SLC15A3: variants seen among roughly 807,000 people sequenced by gnomAD.
SLC15A3 encodes the protein osteoclast transporter.
In SLC15A3, 39 loss-of-function variants were observed where a neutral mutation model predicts 49.2. That is an observed-to-expected ratio of 0.79 (90% CI 0.61 to 1.04). SLC15A3 has a LOEUF of 1.04. SLC15A3 is among the 50% of genes least tolerant of loss of function. The pLI, the probability that SLC15A3 is intolerant of heterozygous loss-of-function variation, is 0.00. For synonymous variants in SLC15A3, 339 were observed against 367.0 expected, an observed-to-expected ratio of 0.92 and a Z score of 0.87; for missense variants, 758 against 794.8, an observed-to-expected ratio of 0.95 and a Z score of 0.56.
At chr11:60,938,640 C>T (rs1429860019) in intron 6 of SLC15A3, among the ~76,000 whole-genome samples, 2 of 152,114 alleles carry the variant, frequency 1.3e-5, no homozygotes, top group South Asian at 2.1e-4. Flanking sequence ...CAAAGCCCTT[C>T]GACACTTCGG....
intron 2 of SLC15A3, 84 bp downstream of exon 2, chr11:60,946,448 C>A: frequency 6.9e-7 from 1 of 1,450,858 alleles, no homozygotes. Context: ...ACCAGAATGT[C>A]TGCAACCTGG....
chr11:60,937,320 G>A lies in SLC15A3; in HGVS notation c.1645C>T (p.Gln549Ter), dbSNP rs765299083. The A allele has an allele frequency of 6.2e-7, 1 of 1,614,140 alleles. No individual in the cohort carries two copies. The highest frequency in any genetic ancestry group is 8.5e-7 in the Non-Finnish European group (1 of 1,180,020). ...ACAAATAGGAGAGCCGTGACGGCCTGAATGCCAGCCAGCAGGAAGAAGTAG... is the reference window on the plus strand; with the variant it reads ...ACAAATAGGAGAGCCGTGACGGCCTAAATGCCAGCCAGCAGGAAGAAGTAG... Reference protein sequence around the residue: ...DLYFFLLAGIQAVTALLFVWI... With the variant: ...DLYFFLLAGI Residue 549 changes from glutamine to a stop codon, truncating the protein, a stop_gained, in exon 8 of 8, where the codon CAG becomes TAG. Transcript: ENST00000227880. LOFTEE classifies it low-confidence loss of function (END_TRUNC).
intron 3 of SLC15A3, 92 bp from the exon 4 acceptor site, chr11:60,942,237 C>T (rs1856723854): frequency 2.1e-6 from 2 of 973,356 alleles, no homozygotes; most frequent in East Asian, 5.0e-5. Flanking sequence ...TACCACAGGA[C>T]AGCTGGGCAG....
chr11:60,941,843 A>G (rs1012932887), intron 4 of SLC15A3, 192 bp downstream of exon 4: 1 of 591,182 alleles, frequency 1.7e-6, no homozygotes, highest in South Asian at 1.9e-5. Context: ...AATTCCTTCA[A>G]GCAGTTGAGC....
At chr11:60,950,813 A>C (rs1364758843) in intron 1 of SLC15A3, among the ~76,000 whole-genome samples, 181 bp downstream of exon 1, 1 of 152,226 alleles carries the variant, frequency 6.6e-6, no homozygotes, top group African/African-American at 2.4e-5. Context: ...AAACAAAAAA[A>C]CAACCATGGT....
At chr11:60,948,121 G>A (rs1168799922) in intron 1 of SLC15A3, among the ~76,000 whole-genome samples, 3 of 152,200 alleles carry the variant, frequency 2.0e-5, no homozygotes, top group African/African-American at 4.8e-5. Flanking sequence ...TTGGGGAAAA[G>A]ACAAGTATTT....
At chr11:60,938,067 G>A (rs1381362320) in intron 6 of SLC15A3, 42 bp from the exon 7 acceptor site, 1 of 1,602,252 alleles carries the variant, frequency 6.2e-7, no homozygotes, top group East Asian at 2.2e-5. Context: ...GCTGGTGCAG[G>A]CGCAGAGAAC....
chr11:60,945,551 T>C (rs1006011523), intron 2 of SLC15A3, among the ~76,000 whole-genome samples: 2 of 152,222 alleles, frequency 1.3e-5, no homozygotes, highest in African/African-American at 2.4e-5. Context: ...TCTAGCAATA[T>C]GCCAGACTGG....
intron 1 of SLC15A3, among the ~76,000 whole-genome samples, chr11:60,949,508 GA>G (rs1565129870): frequency 2.7e-4 from 13 of 47,738 alleles, no homozygotes; most frequent in Admixed American, 1.9e-3. Flanking sequence ...AAGAAGGAAA[GA>G]AAGAAAGAAA....
chr11:60,951,627 C>A lies in SLC15A3; in HGVS notation c.-76G>T. ...GCCTCAGAGCCCTGCACTCCTGCCC[C>A]CGGGCCTCGGCCCTCTCCCCCACCC... On this transcript the variant is annotated 5_prime_UTR_variant, in exon 1 of 8. Coordinates refer to ENST00000227880, the MANE Select transcript of SLC15A3 (RefSeq NM_016582.3). The A allele has an allele frequency of 9.5e-7, 1 of 1,049,152 alleles. No homozygotes were observed. Among genetic ancestry groups the A allele is most frequent in the Non-Finnish European group, 1.2e-6 (1 of 867,600 alleles). 65.0% of individuals were successfully genotyped at this position (1,049,152 alleles called of 1,614,324 possible). A position where few individuals can be genotyped will look rare whatever the true frequency, so the allele number is the denominator to read the frequency against.
rs774617081 is a variant in SLC15A3 at position 60,946,629 on chromosome 11, A to G, written c.751T>C (p.Phe251Leu). 1.7e-5 allele frequency: 27 copies of G among 1,614,058 alleles called. No homozygotes were observed. In the South Asian group the frequency reaches 3.0e-4, roughly 18 times the overall value. Residue 251 changes from phenylalanine (F) to leucine (L), a missense_variant, in exon 2 of 8, where the codon TTC (phenylalanine) becomes CTC (leucine). Phe to Leu is a conservative substitution (Grantham distance 22). Transcript: ENST00000227880. Reference sequence around the variant, plus strand: ...CTGCCCATCGGGGGCTTGGTGATGAAGACGGGGGTGGCAAAGAGGAAGATG... The same window carrying G: ...CTGCCCATCGGGGGCTTGGTGATGAGGACGGGGGTGGCAAAGAGGAAGATG... ...FFIFLFATPV[F>L]ITKPPMGSQV...
intron 1 of SLC15A3, among the ~76,000 whole-genome samples, chr11:60,950,459 G>C (rs1856893383): frequency 6.6e-6 from 1 of 152,206 alleles, no homozygotes; most frequent in Non-Finnish European, 1.5e-5. Flanking sequence ...GTTAAACAGT[G>C]AAAGTGCTTA....
chr11:60,941,330 G>A (rs754632852), intron 4 of SLC15A3, 40 bp from the exon 5 acceptor site: 7 of 1,584,526 alleles, frequency 4.4e-6, no homozygotes, highest in Non-Finnish European at 6.0e-6. Flanking sequence ...CTAGCAGAGT[G>A]CAAGGAGCCT....
At chr11:60,943,494 C>G (rs576497641) in intron 3 of SLC15A3, 195 bp downstream of exon 3, 1 of 457,342 alleles carries the variant, frequency 2.2e-6, no homozygotes, top group African/African-American at 2.0e-5. Flanking sequence ...TTCCTCTTGC[C>G]GTACCACCGA....
chr11:60,943,168 C>T (rs898388617), intron 3 of SLC15A3: 1 of 152,242 alleles, frequency 6.6e-6, no homozygotes, highest in African/African-American at 2.4e-5. Flanking sequence ...TTTTTAAAAG[C>T]TCTGCCGGTG....
In SLC15A3 at chr11:60,939,439, C is replaced by A. The variant is rs780223559; in HGVS notation, c.1435+41G>T. 4.4e-6 allele frequency: 7 copies of A among 1,607,894 alleles called. No individual in the cohort carries two copies. In the South Asian group the frequency reaches 7.8e-5, roughly 18 times the overall value. On this transcript the variant is annotated intron_variant, in intron 6 of 7. Transcript: ENST00000227880. The stretch of plus-strand genomic sequence containing the variant: ...GACTTTGAGGTGCCACCGGGCAGAG[C>A]CCATCACTGGTGCAGGAGCAGGGGA...
Position 60,943,712 on chromosome 11 carries a change from G to A in SLC15A3, c.973C>T (p.Pro325Ser), listed in dbSNP as rs1856753935. The A allele has an allele frequency of 6.3e-7, 1 of 1,596,844 alleles. No homozygotes were observed. Among genetic ancestry groups the A allele is most frequent in the South Asian group, 1.1e-5 (1 of 88,508 alleles). The change falls in exon 3 of 8, where the codon CCC becomes TCC. Residue 325 changes from proline to serine, a missense_variant. Coordinates refer to ENST00000227880, the MANE Select transcript of SLC15A3 (RefSeq NM_016582.3). ...ACCTGGAAGTAGACCATCCAGTAGG[G>A]CACCAGGGTCACCATGACGGGCAAG... ...KILPVMVTLVPYWMVYFQMQS... is the reference protein window; with the variant it reads ...KILPVMVTLVSYWMVYFQMQS...
chr11:60,941,076 C>T (rs1490384199), intron 5 of SLC15A3, 46 bp downstream of exon 5: 1 of 1,566,448 alleles, frequency 6.4e-7, no homozygotes, highest in South Asian at 1.2e-5. Flanking sequence ...AAGCAGACTT[C>T]CCCAAGCCCA....
chr11:60,951,629 G>A lies in SLC15A3; in HGVS notation c.-78C>T. The A allele has an allele frequency of 1.1e-6, 1 of 910,770 alleles. No homozygotes were observed. Among genetic ancestry groups the A allele is most frequent in the Non-Finnish European group, 1.3e-6 (1 of 798,766 alleles). 56.4% of individuals were successfully genotyped at this position (910,770 alleles called of 1,614,324 possible). On this transcript the variant is annotated 5_prime_UTR_variant, in exon 1 of 8. Transcript: ENST00000227880. ...CTCAGAGCCCTGCACTCCTGCCCCC[G>A]GGCCTCGGCCCTCTCCCCCACCCAA...
Sources: gnomAD v4.1 joint callset for allele counts (sites outside exome capture counted in the v4.1 genomes callset) on GRCh38, gnomAD v4.1.1 for gene constraint, MANE v1.5 for transcripts, NCBI Gene and HGNC (gene_info 2026-07-23, HGNC 2026-07-21) for gene names.